The following GALNT8 variants were observed in gnomAD, a reference collection of about 807,000 sequenced individuals.
GALNT8 encodes the protein probable polypeptide N-acetylgalactosaminyltransferase 8.
GALNT8 carries 66 observed loss-of-function variants against 62.7 expected under a neutral mutation model. The observed-to-expected ratio is 1.05, with a 90% CI of 0.86 to 1.29. The LOEUF (loss-of-function observed/expected upper bound fraction) is 1.29, where lower values mean the gene tolerates loss of function less well. GALNT8 is among the 50% of genes most tolerant of loss of function. GALNT8 has a pLI of 0.00. For missense variants in GALNT8, 771 were observed against 791.8 expected, an observed-to-expected ratio of 0.97 and a Z score of 0.32; for synonymous variants, 288 against 294.3, an observed-to-expected ratio of 0.98 and a Z score of 0.22.
Position 4,735,838 on chromosome 12 carries a change from C to G in GALNT8, c.510-3325C>G, listed in dbSNP as rs556403400. Among the ~76,000 whole-genome samples the G allele has an allele frequency of 1.9e-4, 29 of 152,264 alleles. 1 individual carries two copies. The South Asian group carries it at 6.0e-3, about 32-fold the overall frequency. On this transcript the variant is annotated intron_variant, in intron 2 of 10. Coordinates refer to ENST00000252318, the MANE Select transcript of GALNT8 (RefSeq NM_017417.2). ...CACCTCCAGCTTCTGTGCAGTGGTG[C>G]AGAAGTTCTGTTCGGAGGAAAGGCA...
chr12:4,762,167 A>G (rs748955309), intron 7 of GALNT8, among the ~76,000 whole-genome samples: 5 of 152,316 alleles, frequency 3.3e-5, no homozygotes, highest in Non-Finnish European at 7.4e-5. Context: ...CTGATGTCCC[A>G]GTATACCAAG....
At chr12:4,762,306 A>C (rs1946376826) in intron 7 of GALNT8, among the ~76,000 whole-genome samples, 1 of 152,190 alleles carries the variant, frequency 6.6e-6, no homozygotes, top group Admixed American at 6.5e-5. Flanking sequence ...GGATGATCTA[A>C]ATTTTTACAT....
At chr12:4,736,680 TTAAC>T (rs1002894476) in intron 2 of GALNT8, among the ~76,000 whole-genome samples, 1 of 151,296 alleles carries the variant, frequency 6.6e-6, no homozygotes, top group Admixed American at 6.6e-5. Context: ...GCAAATTAGT[TTAAC>T]TAGGTTACCA....
intron 2 of GALNT8, among the ~76,000 whole-genome samples, chr12:4,737,573 C>T (rs1946251279): frequency 6.6e-6 from 1 of 152,110 alleles, no homozygotes; most frequent in Non-Finnish European, 1.5e-5. Flanking sequence ...ACTATTTTAC[C>T]AGAGCCTAAC....
rs796082165 is a variant in GALNT8, at chr12:4,758,608, G to C, written c.1174-2350G>C. 2.5e-3 allele frequency among the ~76,000 whole-genome samples: 179 copies of C among 71,350 alleles called. 1 individual carries two copies. The highest frequency in any genetic ancestry group is 0.011 in the African/African-American group (162 of 14,488). 46.8% of individuals were successfully genotyped at this position (71,350 alleles called of 152,430 possible). A position where few individuals can be genotyped will look rare whatever the true frequency, so the allele number is the denominator to read the frequency against. On this transcript the variant is annotated intron_variant, in intron 6 of 10. Coordinates refer to ENST00000252318, the MANE Select transcript of GALNT8 (RefSeq NM_017417.2). ...TTATCAGCAGAAGCTTAATGTCTCT[G>C]TGTGTGTGTGTGTGTGTGTGTGTGT...
chr12:4,765,647 C>G (rs1270967216), intron 10 of GALNT8, 101 bp downstream of exon 10: 1 of 814,710 alleles, frequency 1.2e-6, no homozygotes, highest in South Asian at 1.9e-5. Context: ...AGTGGCTTCT[C>G]AGCTGACTGA....
At chr12:4,722,705 G>A (rs1179723130) in intron 1 of GALNT8, among the ~76,000 whole-genome samples, 1 of 152,174 alleles carries the variant, frequency 6.6e-6, no homozygotes, top group Non-Finnish European at 1.5e-5. Flanking sequence ...TGTGTGGGCA[G>A]GGATGTGACT....
chr12:4,755,040 G>A (rs1238291196), intron 6 of GALNT8, among the ~76,000 whole-genome samples: 1 of 152,200 alleles, frequency 6.6e-6, no homozygotes. Flanking sequence ...TTTTGGAGCT[G>A]CAAGTTGTAC....
At chr12:4,735,385 A>G (rs1039500690) in intron 2 of GALNT8, among the ~76,000 whole-genome samples, 1 of 147,444 alleles carries the variant, frequency 6.8e-6, no homozygotes, top group Non-Finnish European at 1.5e-5. Context: ...TCTTATGGAA[A>G]CTTCTCAAGG....
intron 6 of GALNT8, among the ~76,000 whole-genome samples, chr12:4,751,771 G>A (rs1946323217): frequency 6.6e-6 from 1 of 152,104 alleles, no homozygotes; most frequent in African/African-American, 2.4e-5. Flanking sequence ...GATACACTTT[G>A]TCTATAGTAC....
At position 4,726,442 on chromosome 12, in the gene GALNT8, T is replaced by C; in HGVS notation, c.212-90T>C. The stretch of plus-strand genomic sequence containing the variant: ...GTTTTAAGATGTAGTGGGTAAACCG[T>C]TAGAGGAAATTAGGATGGAAAGGAA... On this transcript the variant is annotated intron_variant, in intron 1 of 10. Coordinates refer to ENST00000252318, the MANE Select transcript of GALNT8 (RefSeq NM_017417.2). The surrounding 1 kb of genome is among the most constrained non-coding windows in gnomAD (Gnocchi z 4.1). 1 of 871,856 alleles carries C rather than the reference T, an allele frequency of 1.1e-6. No individual in the cohort carries two copies. The highest frequency in any genetic ancestry group is 2.4e-5 in the Admixed American group (1 of 41,842). 54.0% of individuals were successfully genotyped at this position (871,856 alleles called of 1,614,324 possible). A position where few individuals can be genotyped will look rare whatever the true frequency, so the allele number is the denominator to read the frequency against.
Position 4,765,389 on chromosome 12 carries a change from A to G in GALNT8, c.1604A>G (p.Tyr535Cys), listed in dbSNP as rs190584465. 34 of 1,490,922 alleles carry G rather than the reference A, an allele frequency of 2.3e-5. 1 individual carries two copies. In the Middle Eastern group the frequency reaches 9.6e-4, roughly 42 times the overall value. The allele number at this position is 1,490,922 out of a possible 1,614,324, so 92.4% of individuals were successfully genotyped here. A position where few individuals can be genotyped will look rare whatever the true frequency, so the allele number is the denominator to read the frequency against. Reference sequence around the variant, plus strand: ...TTTTTTTTTTTTTAGAATGTCTACTATCACCTAACTGGGGAGCTCTATGTG... The same window carrying G: ...TTTTTTTTTTTTTAGAATGTCTACTGTCACCTAACTGGGGAGCTCTATGTG... Reference protein sequence around the residue: ...CHEFSSQNVYYHLTGELYVGQ... With the variant: ...CHEFSSQNVYCHLTGELYVGQ... Residue 535 changes from tyrosine (Y) to cysteine (C), a missense_variant, in exon 10 of 11, where the codon TAT becomes TGT. Physicochemically the swap from Tyr to Cys is radical, Grantham distance 194. Coordinates refer to ENST00000252318, the MANE Select transcript of GALNT8 (RefSeq NM_017417.2).
At chr12:4,754,832 T>A (rs1442207811) in intron 6 of GALNT8, among the ~76,000 whole-genome samples, 1 of 151,896 alleles carries the variant, frequency 6.6e-6, no homozygotes, top group Non-Finnish European at 1.5e-5. Flanking sequence ...CAGGACTGGG[T>A]CCTTCCCTTC....
intron 6 of GALNT8, among the ~76,000 whole-genome samples, chr12:4,747,325 CT>C (rs961645713): frequency 1.3e-5 from 2 of 152,138 alleles, no homozygotes; most frequent in Non-Finnish European, 2.9e-5. Flanking sequence ...CTTATTCATT[CT>C]TTGTGACTAT....
intron 10 of GALNT8, among the ~76,000 whole-genome samples, chr12:4,771,179 C>A (rs1339037234): frequency 6.6e-6 from 1 of 152,146 alleles, no homozygotes; most frequent in Non-Finnish European, 1.5e-5. Flanking sequence ...GAAGAGGAAC[C>A]CTGAGGAGTA....
chr12:4,726,543 A>C lies in GALNT8; in HGVS notation c.223A>C (p.Lys75Gln). 1 of 1,610,498 alleles carries C rather than the reference A, an allele frequency of 6.2e-7. No individual in the cohort carries two copies. The highest frequency in any genetic ancestry group is 1.7e-4 in the Middle Eastern group (1 of 6,044). The change falls in exon 2 of 11, where the codon AAA (lysine) becomes CAA (glutamine). Residue 75 changes from lysine to glutamine, a missense_variant. By Grantham distance (53) the Lys-to-Gln change is moderately conservative. Coordinates refer to ENST00000252318, the MANE Select transcript of GALNT8 (RefSeq NM_017417.2). This position sits in a 1 kb window ranked among gnomAD's most constrained non-coding sequence, Gnocchi z 4.1. ...VELQDLKESM[K>Q]LALRQQENVN... ...CTCTTCATTTGCAGAAGAAAGTATG[A>C]AATTAGCTCTGAGGCAACAAGAAAA...
chr12:4,758,871 G>C (rs1946359228), intron 6 of GALNT8, among the ~76,000 whole-genome samples: 1 of 151,776 alleles, frequency 6.6e-6, no homozygotes, highest in Admixed American at 6.6e-5. Context: ...CCACCTCCCA[G>C]GTTCAAGTGA....
At chr12:4,761,899 G>A (rs1173376364) in intron 7 of GALNT8, among the ~76,000 whole-genome samples, 1 of 152,166 alleles carries the variant, frequency 6.6e-6, no homozygotes, top group African/African-American at 2.4e-5. Flanking sequence ...GGGTTCTAAT[G>A]TAGCCCCCAG....
chr12:4,722,692 T>G (rs1251279617), intron 1 of GALNT8, among the ~76,000 whole-genome samples: 1 of 152,106 alleles, frequency 6.6e-6, no homozygotes, highest in Admixed American at 6.6e-5. Flanking sequence ...GGGAGGTGTT[T>G]TATGTGTGGG....
Sources: allele counts gnomAD v4.1 joint callset (sites outside exome capture counted in the v4.1 genomes callset), GRCh38; gene constraint gnomAD v4.1.1; non-coding constraint Gnocchi (gnomAD v3.1); transcripts MANE v1.5; gene names NCBI Gene and HGNC (gene_info 2026-07-23, HGNC 2026-07-21).